Variants in ARHGAP32 observed in about 807,000 individuals in gnomAD.
ARHGAP32 encodes the protein Rho GTPase activating protein 32.
In ARHGAP32, 51 loss-of-function variants were observed where a neutral mutation model predicts 186.5. The ratio of observed to expected loss-of-function variants is 0.27; its 90% CI spans 0.22 to 0.35. ARHGAP32 has a LOEUF of 0.35. Ranked by LOEUF, ARHGAP32 falls within the 10% of genes least tolerant of loss-of-function variation. ARHGAP32 has a pLI of 1.00. For synonymous variants in ARHGAP32, 950 were observed against 964.3 expected (o/e 0.99, Z 0.27); for missense variants, 2,186 against 2,623.5 (o/e 0.83, Z 3.64).
At chr11:129,082,412 G>C (rs1171106015) in intron 6 of ARHGAP32, among the ~76,000 whole-genome samples, 1 of 152,070 alleles carries the variant, frequency 6.6e-6, no homozygotes, top group East Asian at 1.9e-4. Flanking sequence ...TAGGCACACA[G>C]ACCAACGGAA....
intron 1 of ARHGAP32, among the ~76,000 whole-genome samples, chr11:129,198,649 T>C (rs1302962827): frequency 6.6e-6 from 1 of 151,902 alleles, no homozygotes; most frequent in African/African-American, 2.4e-5. Flanking sequence ...CATGTGGAAC[T>C]GTGAGTCAAT....
Position 128,973,420 on chromosome 11 carries a change from T to C in ARHGAP32, c.3086A>G (p.His1029Arg), listed in dbSNP as rs1273048424. Residue 1029 changes from histidine to arginine, a missense_variant, in exon 22 of 23, where the codon CAT becomes CGT. His to Arg is a conservative substitution (Grantham distance 29, BLOSUM62 0). Coordinates refer to ENST00000682385, the MANE Select transcript of ARHGAP32 (RefSeq NM_001378024.1). ...SGQTQTGAVT[H>R]DPPQDSVPVS... is the part of the protein sequence containing the mutation. Reference sequence around the variant, plus strand: ...AGGAACGGAATCCTGAGGGGGGTCATGGGTAACTGCTCCTAGTGGGAAATT... The same window carrying C: ...AGGAACGGAATCCTGAGGGGGGTCACGGGTAACTGCTCCTAGTGGGAAATT... 3.1e-6 allele frequency: 5 copies of C among 1,613,172 alleles called. No homozygotes were observed. The South Asian group carries it at 4.4e-5, about 14-fold the overall frequency.
chr11:129,171,659 T>C (rs979099380), intron 1 of ARHGAP32, among the ~76,000 whole-genome samples: 1 of 152,206 alleles, frequency 6.6e-6, no homozygotes, highest in African/African-American at 2.4e-5. Context: ...TATGGGGTCT[T>C]CTTTGATTTC....
At chr11:129,041,345 T>C (rs1455469911) in intron 10 of ARHGAP32, among the ~76,000 whole-genome samples, 1 of 152,172 alleles carries the variant, frequency 6.6e-6, no homozygotes, top group African/African-American at 2.4e-5. Context: ...AATTTAATAA[T>C]GCGCTTTACT....
At chr11:129,263,093 C>T (rs1945346199) in intron 1 of ARHGAP32, among the ~76,000 whole-genome samples, 1 of 152,058 alleles carries the variant, frequency 6.6e-6, no homozygotes, top group Admixed American at 6.5e-5. Context: ...CAAAAATTAA[C>T]TCAAAGTGGA....
intron 2 of ARHGAP32, among the ~76,000 whole-genome samples, chr11:129,143,500 T>G (rs557647743): frequency 1.3e-5 from 2 of 151,926 alleles, no homozygotes; most frequent in East Asian, 1.9e-4. Context: ...CTTTGTCCAG[T>G]GCATCTACAC....
intron 1 of ARHGAP32, among the ~76,000 whole-genome samples, chr11:129,169,361 G>A (rs1035272437): frequency 1.3e-5 from 2 of 152,092 alleles, no homozygotes; most frequent in African/African-American, 4.8e-5. Context: ...GCTGGGCATG[G>A]TGGCTCAAGG....
At chr11:129,031,482 A>C (rs896607948) in intron 11 of ARHGAP32, among the ~76,000 whole-genome samples, 9 of 152,288 alleles carry the variant, frequency 5.9e-5, no homozygotes, top group African/African-American at 2.2e-4. Context: ...CAGGTATATA[A>C]ATTTAACACC....
At chr11:129,244,807 T>G (rs1945069271) in intron 1 of ARHGAP32, among the ~76,000 whole-genome samples, 1 of 152,122 alleles carries the variant, frequency 6.6e-6, no homozygotes, top group Admixed American at 6.5e-5. Flanking sequence ...CAGACACTTC[T>G]CAAAAGAAGA....
Position 128,991,961 on chromosome 11 carries a change from GTCTCT to G in ARHGAP32, c.1196-3841_1196-3837del, listed in dbSNP as rs143838017. ...CACTCATCAATCATGTATTTATTAA[GTCTCT>G]TCTATTTTCCAGGCATCATGAAAGC... On this transcript the variant is annotated intron_variant, in intron 12 of 22. Transcript: ENST00000682385. Among the ~76,000 whole-genome samples, 817 of 152,046 alleles carry G rather than the reference GTCTCT, an allele frequency of 5.4e-3. 4 individuals carry two copies. The highest frequency in any genetic ancestry group is 0.019 in the African/African-American group (779 of 41,452).
intron 15 of ARHGAP32, among the ~76,000 whole-genome samples, chr11:128,984,757 G>A (rs1945812373): frequency 6.6e-6 from 1 of 151,966 alleles, no homozygotes; most frequent in East Asian, 1.9e-4. Context: ...ATAATATTAG[G>A]ATATATATAC....
At chr11:129,222,778 C>T (rs1255052022) in intron 1 of ARHGAP32, among the ~76,000 whole-genome samples, 1 of 152,188 alleles carries the variant, frequency 6.6e-6, no homozygotes, top group Non-Finnish European at 1.5e-5. Context: ...TGCAATACTT[C>T]TTGTTTGCAA....
chr11:129,145,461 T>C (rs1307108665), intron 2 of ARHGAP32, among the ~76,000 whole-genome samples: 3 of 139,630 alleles, frequency 2.1e-5, no homozygotes, highest in Non-Finnish European at 4.9e-5. Context: ...TAGACCACCA[T>C]GACACTCCAA....
At position 129,031,904 on chromosome 11, in the gene ARHGAP32, C is replaced by T. The variant is rs138815140; in HGVS notation, c.1045+9024G>A. ...CAGCCGGACGTTTGAGAGAAGCAGACTGACTTCAGAGGGAGGGCTCGACGG... is the reference window on the plus strand; with the variant it reads ...CAGCCGGACGTTTGAGAGAAGCAGATTGACTTCAGAGGGAGGGCTCGACGG... On this transcript the variant is annotated intron_variant, in intron 11 of 22. Transcript: ENST00000682385. Among the ~76,000 whole-genome samples, 80 of 152,320 alleles carry T rather than the reference C, an allele frequency of 5.3e-4. 2 individuals are homozygous for T. In the East Asian group the frequency reaches 0.014, roughly 28 times the overall value.
chr11:129,255,872 C>T lies in ARHGAP32; in HGVS notation c.-5+23274G>A, dbSNP rs780560073. On this transcript the variant is annotated intron_variant, in intron 1 of 6. Transcript: ENST00000525234. ...AAGTATACATTCAACAGAATGCTTA[C>T]GTATGTTTACCAAAAGATATGTTGT... Among the ~76,000 whole-genome samples the T allele has an allele frequency of 1.4e-4, 22 of 152,126 alleles. No individual in the cohort carries two copies. The South Asian group carries it at 1.7e-3, about 11-fold the overall frequency.
intron 1 of ARHGAP32, among the ~76,000 whole-genome samples, chr11:129,249,106 ATCTT>A (rs1264983070): frequency 2.0e-5 from 3 of 152,218 alleles, no homozygotes; most frequent in Non-Finnish European, 4.4e-5. Flanking sequence ...TTAAAAGAGA[ATCTT>A]TCTAGAATTC....
At chr11:129,030,192 T>TA (rs951121174) in intron 11 of ARHGAP32, among the ~76,000 whole-genome samples, 3 of 152,128 alleles carry the variant, frequency 2.0e-5, no homozygotes, top group African/African-American at 7.2e-5. Context: ...ACACTCCAAA[T>TA]AGAGTAAGTA....
intron 10 of ARHGAP32, among the ~76,000 whole-genome samples, chr11:129,045,702 G>T (rs1939778392): frequency 6.6e-6 from 1 of 152,134 alleles, no homozygotes; most frequent in Non-Finnish European, 1.5e-5. Context: ...ATCTTGTTCT[G>T]TATCTTATTC....
At chr11:129,128,444 T>C (rs1942712844) in intron 2 of ARHGAP32, among the ~76,000 whole-genome samples, 1 of 152,178 alleles carries the variant, frequency 6.6e-6, no homozygotes, top group Admixed American at 6.5e-5. Context: ...TATTGTTAAC[T>C]ACCCTAGAAA....
Sources: gnomAD v4.1 joint callset for allele counts (sites outside exome capture counted in the v4.1 genomes callset) on GRCh38, gnomAD v4.1.1 for gene constraint, MANE v1.5 for transcripts, NCBI Gene and HGNC (gene_info 2026-07-23, HGNC 2026-07-21) for gene names.